The following PPP6R2 variants were observed in gnomAD, a reference collection of about 807,000 sequenced individuals.
PPP6R2 encodes the protein protein phosphatase 6 regulatory subunit 2.
A neutral mutation model predicts 100.2 loss-of-function variants in PPP6R2; 62 were observed. The ratio of observed to expected loss-of-function variants is 0.62; its 90% confidence interval spans 0.50 to 0.76. The LOEUF is 0.76. Among genes scored for constraint, PPP6R2 ranks in the 30% least tolerant of loss-of-function variants. The pLI is 0.00. For synonymous variants in PPP6R2, 525 were observed against 514.7 expected, an observed-to-expected ratio of 1.02 and a Z score of -0.27; for missense variants, 1,142 against 1,276.3, an observed-to-expected ratio of 0.89 and a Z score of 1.60.
chr22:50,424,322 T>TGTCCGCGTGTGGAAGGTCC (rs1569471944), intron 10 of PPP6R2, among the ~76,000 whole-genome samples: 1 of 112,012 alleles, frequency 8.9e-6, no homozygotes, highest in Non-Finnish European at 1.9e-5. Flanking sequence ...GGCTCAGTTC[T>TGTCCGCGTGTGGAAGGTCC]GTCAGCGTGT....
intron 8 of PPP6R2, 108 bp downstream of exon 8, chr22:50,419,570 T>C (rs2061020786): frequency 1.3e-6 from 1 of 773,856 alleles, no homozygotes; most frequent in African/African-American, 1.7e-5. Context: ...AATTTTTGAT[T>C]ATGCAAGTAA....
chr22:50,434,908 C>T (rs1012976227), intron 12 of PPP6R2, 58 bp from the exon 13 acceptor site: 14 of 1,483,788 alleles, frequency 9.4e-6, no homozygotes, highest in Non-Finnish European at 1.3e-5. Context: ...CTCTCTGGGT[C>T]GTGGGTCTGG....
At chr22:50,412,212 G>A (rs1291800820) in intron 4 of PPP6R2, among the ~76,000 whole-genome samples, 1 of 151,724 alleles carries the variant, frequency 6.6e-6, no homozygotes, top group Non-Finnish European at 1.5e-5. Flanking sequence ...TTTTTTTGGA[G>A]ATAGACTCTC....
chr22:50,339,393 GTGTGGTA>G (rs2042342888), upstream of PPP6R2, among the ~76,000 whole-genome samples: 1 of 146,722 alleles, frequency 6.8e-6, no homozygotes, highest in African/African-American at 2.5e-5. Context: ...TGTAGTGTGT[GTGTGGTA>G]TGTGGTGTGT....
chr22:50,411,713 T>C (rs1260876502), intron 4 of PPP6R2, among the ~76,000 whole-genome samples: 1 of 149,602 alleles, frequency 6.7e-6, no homozygotes, highest in East Asian at 2.0e-4. Context: ...AGATTGTGAC[T>C]CTGCACTCCA....
chr22:50,414,276 C>G (rs1003652780), intron 4 of PPP6R2, among the ~76,000 whole-genome samples: 2 of 149,094 alleles, frequency 1.3e-5, no homozygotes. Flanking sequence ...TGTGCTGCCC[C>G]ACCTGGGACA....
the PPP6R2 span, among the ~76,000 whole-genome samples, chr22:50,335,945 A>G: frequency 0.07 from 9,047 of 129,190 alleles, 533 homozygotes; most frequent in African/African-American, 0.13. Flanking sequence ...CAAAGTGCTG[A>G]GATTACAGGC....
At position 50,355,697 on chromosome 22, in the gene PPP6R2, A is replaced by G. The variant is rs968002871; in HGVS notation, c.-148+12147A>G. On this transcript the variant is annotated intron_variant, in intron 1 of 23. Transcript: ENST00000612753. ...CACCACACCCAGCTAATTTTTTTCT[A>G]TTTTTAGTAGAGACGGGGTTTCACT... Among the ~76,000 whole-genome samples the G allele has an allele frequency of 1.4e-5, 2 of 146,680 alleles. 1 individual carries two copies. The highest frequency in any genetic ancestry group is 7.5e-3 in the Middle Eastern group (2 of 266).
intron 4 of PPP6R2, among the ~76,000 whole-genome samples, chr22:50,411,623 C>T (rs980206652): frequency 1.3e-5 from 2 of 151,724 alleles, no homozygotes; most frequent in Admixed American, 6.6e-5. Flanking sequence ...GCGTGGTGGC[C>T]GGCACCTGTA....
intron 1 of PPP6R2, among the ~76,000 whole-genome samples, chr22:50,346,088 A>G (rs1601947700): frequency 1.2e-4 from 1 of 8,650 alleles, no homozygotes; most frequent in African/African-American, 6.5e-4. Flanking sequence ...TGCCCCCTCC[A>G]GTCAGTTCCC....
chr22:50,353,796 G>A (rs1312121764), intron 1 of PPP6R2, among the ~76,000 whole-genome samples: 1 of 149,508 alleles, frequency 6.7e-6, no homozygotes, highest in African/African-American at 2.5e-5. Context: ...ACCCCAGGTA[G>A]TGTGACTCAA....
At chr22:50,357,094 G>A (rs1045489428) in intron 1 of PPP6R2, among the ~76,000 whole-genome samples, 1 of 152,070 alleles carries the variant, frequency 6.6e-6, no homozygotes, top group Non-Finnish European at 1.5e-5. Context: ...TCTTACTGTG[G>A]TTTTAATTTG....
chr22:50,377,373 C>G (rs758024149), intron 2 of PPP6R2, among the ~76,000 whole-genome samples: 6 of 151,738 alleles, frequency 4.0e-5, no homozygotes, highest in South Asian at 2.1e-4. Flanking sequence ...GAAGATCACT[C>G]GAGCCCAGGA....
intron 6 of PPP6R2, among the ~76,000 whole-genome samples, chr22:50,417,724 G>A (rs1490626681): frequency 3.3e-5 from 5 of 152,162 alleles, no homozygotes; most frequent in Non-Finnish European, 7.3e-5. Flanking sequence ...TCTGTAGGAA[G>A]CAAGGAGGCC....
Position 50,444,069 on chromosome 22 carries a change from C to T in PPP6R2, c.2783C>T (p.Thr928Ile). 1.9e-6 allele frequency: 3 copies of T among 1,612,708 alleles called. No individual in the cohort carries two copies. Among genetic ancestry groups the T allele is most frequent in the Non-Finnish European group, 2.5e-6 (3 of 1,179,416 alleles). ...AVPLGPIMAV[T>I]AAPAMVATLG... is the part of the protein sequence containing the mutation. ...CCCCTAGGGCCCATCATGGCAGTCA[C>T]AGCAGCCCCAGCCATGGTGGCCACC... Residue 928 changes from threonine to isoleucine, a missense_variant, in exon 23 of 24, where the codon ACA (threonine) becomes ATA (isoleucine). Thr to Ile is a moderately conservative substitution (Grantham distance 89, BLOSUM62 -1). Coordinates refer to ENST00000612753, the MANE Select transcript of PPP6R2 (RefSeq NM_001242898.2).
intron 8 of PPP6R2, among the ~76,000 whole-genome samples, chr22:50,421,854 C>T (rs374456680): frequency 6.6e-6 from 1 of 151,894 alleles, no homozygotes; most frequent in African/African-American, 2.4e-5. Context: ...GGTGACAGAG[C>T]GAGACTCTGG....
Position 50,406,699 on chromosome 22 carries a change from A to G in PPP6R2, c.238A>G (p.Thr80Ala), listed in dbSNP as rs1195457123. The change falls in exon 4 of 24, where the codon ACA (threonine) becomes GCA (alanine). Residue 80 changes from threonine to alanine, a missense_variant. Thr to Ala is a moderately conservative substitution (Grantham distance 58). Coordinates refer to ENST00000612753, the MANE Select transcript of PPP6R2 (RefSeq NM_001242898.2). ...ACTGTGCCCTTTTAGATATCCAAAC[A>G]CAGCCTGTGAGCTTCTGACTTGTGA... ...EEKVRFKYPN[T>A]ACELLTCDVP... is the part of the protein sequence containing the mutation. 6.2e-7 allele frequency: 1 copy of G among 1,613,500 alleles called. No homozygotes were observed. Among genetic ancestry groups the G allele is most frequent in the Admixed American group, 1.7e-5 (1 of 60,006 alleles).
intron 1 of PPP6R2, among the ~76,000 whole-genome samples, chr22:50,366,316 T>G (rs1267310087): frequency 6.6e-6 from 1 of 151,670 alleles, no homozygotes; most frequent in Non-Finnish European, 1.5e-5. Context: ...CTCATCTTTT[T>G]TTTTTTTTTT....
At chr22:50,375,775 GAT>G (rs1166018743) in intron 2 of PPP6R2, among the ~76,000 whole-genome samples, 1 of 141,176 alleles carries the variant, frequency 7.1e-6, no homozygotes, top group Non-Finnish European at 1.5e-5. Context: ...CAGGAACAAA[GAT>G]AAAACCTCTC....
Sources: gnomAD v4.1 joint callset for allele counts (sites outside exome capture counted in the v4.1 genomes callset) on GRCh38, gnomAD v4.1.1 for gene constraint, MANE v1.5 for transcripts, NCBI Gene and HGNC (gene_info 2026-07-23, HGNC 2026-07-21) for gene names.